COL11A1: variants seen among roughly 807,000 people sequenced by gnomAD.
COL11A1 encodes collagen type XI alpha 1 chain.
Under a neutral mutation model 265.2 loss-of-function variants are expected in COL11A1, and 74 were observed. That is an observed-to-expected ratio of 0.28 (90% CI 0.23 to 0.34). COL11A1 has a LOEUF of 0.34. Ranked by LOEUF, COL11A1 falls within the 10% of genes least tolerant of loss-of-function variation. The pLI is 1.00. For synonymous variants in COL11A1, 816 were observed against 727.6 expected, an observed-to-expected ratio of 1.12 and a Z score of -1.96; for missense variants, 2,165 against 2,263.6, an observed-to-expected ratio of 0.96 and a Z score of 0.88.
intron 1 of COL11A1, among the ~76,000 whole-genome samples, chr1:103,090,410 T>C (rs1453941157): frequency 2.6e-5 from 4 of 152,080 alleles, no homozygotes; most frequent in Non-Finnish European, 5.9e-5. Context: ...GGATAGAAAA[T>C]TGATTATTTC....
At chr1:103,010,882 T>C (rs1194407168) in intron 14 of COL11A1, among the ~76,000 whole-genome samples, 1 of 152,076 alleles carries the variant, frequency 6.6e-6, no homozygotes, top group Non-Finnish European at 1.5e-5. Flanking sequence ...CTATTTTTAG[T>C]AGAAACGGGG....
At chr1:102,884,798 A>C (rs1272804229) in intron 63 of COL11A1, among the ~76,000 whole-genome samples, 1 of 152,158 alleles carries the variant, frequency 6.6e-6, no homozygotes, top group Non-Finnish European at 1.5e-5. Context: ...GAAGCCCTCC[A>C]GTCGTCCGCT....
intron 35 of COL11A1, 54 bp from the exon 36 acceptor site, chr1:102,974,937 C>T: frequency 7.7e-7 from 1 of 1,303,932 alleles, no homozygotes. Context: ...GAAGATGCAT[C>T]TTTATACTTT....
intron 4 of COL11A1, among the ~76,000 whole-genome samples, chr1:103,071,043 C>A (rs975440151): frequency 2.7e-4 from 41 of 151,852 alleles, no homozygotes; most frequent in African/African-American, 9.6e-4. Flanking sequence ...AATTATTATT[C>A]ATTGATTTCT....
chr1:103,011,966 T>C (rs867704271), intron 14 of COL11A1, among the ~76,000 whole-genome samples: 2 of 152,166 alleles, frequency 1.3e-5, no homozygotes, highest in African/African-American at 2.4e-5. Context: ...CCTTGTGGAA[T>C]ACTGAGGCAA....
At chr1:102,970,987 C>T (rs999009381) in intron 36 of COL11A1, among the ~76,000 whole-genome samples, 1 of 149,162 alleles carries the variant, frequency 6.7e-6, no homozygotes, top group Non-Finnish European at 1.5e-5. Context: ...GCACTCCGAG[C>T]GAGACCGTCT....
chr1:102,928,257 C>A (rs148072148), intron 46 of COL11A1, among the ~76,000 whole-genome samples: 2,933 of 150,850 alleles, frequency 0.019, 99 homozygotes, highest in African/African-American at 0.067. Context: ...CCTCTCCCCC[C>A]ACCCCACCAC....
chr1:102,995,107 G>C (rs1191673796), intron 28 of COL11A1, among the ~76,000 whole-genome samples: 1 of 152,084 alleles, frequency 6.6e-6, no homozygotes, highest in East Asian at 1.9e-4. Context: ...ATTTGGATTA[G>C]AATTCAAGAT....
At chr1:102,926,252 A>T (rs578186267) in intron 46 of COL11A1, among the ~76,000 whole-genome samples, 1 of 152,212 alleles carries the variant, frequency 6.6e-6, no homozygotes, top group African/African-American at 2.4e-5. Context: ...CTTTCTCCAA[A>T]GAGGTAATTT....
chr1:102,944,221 T>C (rs1023699405), intron 42 of COL11A1, among the ~76,000 whole-genome samples: 1 of 152,168 alleles, frequency 6.6e-6, no homozygotes. Flanking sequence ...CTAAAATTTA[T>C]ATTTGAAAAG....
rs567257982 is a variant in COL11A1 at position 103,050,629 on chromosome 1, T to A, written c.652-19385A>T. The stretch of plus-strand genomic sequence containing the variant: ...CAAAGTCATTCTCCATCCAGCTTTT[T>A]TCCATTGCTGGTGAGGAGCTGTGTT... On this transcript the variant is annotated intron_variant, in intron 4 of 66. Transcript: ENST00000370096. Among the ~76,000 whole-genome samples the A allele has an allele frequency of 2.6e-5, 4 of 152,364 alleles. No individual in the cohort carries two copies. The East Asian group carries it at 7.7e-4, about 29-fold the overall frequency.
chr1:102,920,253 A>G (rs1015817801), intron 49 of COL11A1, 58 bp downstream of exon 49: 16 of 1,461,724 alleles, frequency 1.1e-5, no homozygotes, highest in East Asian at 9.1e-5. Context: ...CTACTACCCA[A>G]TATTATTACA....
At chr1:103,013,266 A>G (rs1341471467) in intron 13 of COL11A1, among the ~76,000 whole-genome samples, 5 of 152,030 alleles carry the variant, frequency 3.3e-5, no homozygotes, top group Non-Finnish European at 7.4e-5. Context: ...GATCTCCAAA[A>G]TCACTACTGA....
chr1:103,050,674 C>G (rs1055135354), intron 4 of COL11A1, among the ~76,000 whole-genome samples: 4 of 152,048 alleles, frequency 2.6e-5, no homozygotes, highest in Non-Finnish European at 5.9e-5. Flanking sequence ...GAGGAGAGGT[C>G]CTCTGATTTT....
At position 103,104,938 on chromosome 1, in the gene COL11A1, A is replaced by G. The variant is rs568129744; in HGVS notation, c.106+3135T>C. Among the ~76,000 whole-genome samples, 388 of 152,302 alleles carry G rather than the reference A, an allele frequency of 2.5e-3. 5 individuals are homozygous for G. Among genetic ancestry groups the G allele is most frequent in the African/African-American group, 9.2e-3 (381 of 41,560 alleles). On this transcript the variant is annotated intron_variant, in intron 1 of 66. Coordinates refer to ENST00000370096, the MANE Select transcript of COL11A1 (RefSeq NM_001854.4). ...TTCACCTGCTGATCCTGGGCACTCAAAACTACACTTCTTCAGGGCTCACTA... is the reference window on the plus strand; with the variant it reads ...TTCACCTGCTGATCCTGGGCACTCAGAACTACACTTCTTCAGGGCTCACTA...
intron 4 of COL11A1, among the ~76,000 whole-genome samples, chr1:103,066,398 C>G (rs1296660422): frequency 5.3e-5 from 8 of 151,552 alleles, no homozygotes; most frequent in Admixed American, 4.6e-4. Flanking sequence ...GCATTACATA[C>G]ATACAATGAT....
chr1:103,066,267 TA>T (rs1290349795), intron 4 of COL11A1, among the ~76,000 whole-genome samples: 1 of 151,914 alleles, frequency 6.6e-6, no homozygotes, highest in Admixed American at 6.6e-5. Flanking sequence ...TTAAAAGCTT[TA>T]AAATATACGA....
At chr1:102,896,086 T>G (rs1323775217) in intron 57 of COL11A1, among the ~76,000 whole-genome samples, 1 of 152,036 alleles carries the variant, frequency 6.6e-6, no homozygotes, top group African/African-American at 2.4e-5. Context: ...AGCAATTCAT[T>G]TAATTAACTT....
At chr1:102,991,090 T>C (rs186941346) in intron 28 of COL11A1, among the ~76,000 whole-genome samples, 1 of 151,990 alleles carries the variant, frequency 6.6e-6, no homozygotes, top group East Asian at 1.9e-4. Flanking sequence ...TGCAGTTATT[T>C]TGGTACAGAT....
Sources: allele counts gnomAD v4.1 joint callset (sites outside exome capture counted in the v4.1 genomes callset), GRCh38; gene constraint gnomAD v4.1.1; transcripts MANE v1.5; gene names NCBI Gene and HGNC (gene_info 2026-07-23, HGNC 2026-07-21).